SUPT16H: variants seen among roughly 807,000 people sequenced by gnomAD.
The protein encoded by SUPT16H is FACT complex subunit SPT16.
A neutral mutation model predicts 136.2 loss-of-function variants in SUPT16H; 24 were observed. The ratio of observed to expected loss-of-function variants is 0.18; its 90% CI spans 0.13 to 0.25. SUPT16H has a LOEUF of 0.25. Ranked by LOEUF, SUPT16H falls within the 10% of genes least tolerant of loss-of-function variation. The pLI is 1.00. For synonymous variants in SUPT16H, 415 were observed against 428.2 expected (o/e 0.97, Z 0.38); for missense variants, 623 against 1,270.2 (o/e 0.49, Z 7.74).
chr14:21,377,735 T>C (rs1886934834), intron 1 of SUPT16H, among the ~76,000 whole-genome samples: 1 of 152,196 alleles, frequency 6.6e-6, no homozygotes, highest in Non-Finnish European at 1.5e-5. Flanking sequence ...GCGATTCTCG[T>C]GCCTCAGCCT....
At chr14:21,372,666 T>C (rs1016276149) in intron 2 of SUPT16H, 1 of 454,988 alleles carries the variant, frequency 2.2e-6, no homozygotes, top group Non-Finnish European at 4.4e-6. Flanking sequence ...AAGAGGGCTA[T>C]GTTCTTTGGG....
chr14:21,375,280 G>A (rs907440732), intron 1 of SUPT16H, among the ~76,000 whole-genome samples: 7 of 151,860 alleles, frequency 4.6e-5, no homozygotes, highest in Admixed American at 4.6e-4. Context: ...CTCCTGAAGT[G>A]CTGGGATTAC....
chr14:21,375,327 T>C (rs1234965683), intron 1 of SUPT16H, among the ~76,000 whole-genome samples: 1 of 152,174 alleles, frequency 6.6e-6, no homozygotes, highest in Non-Finnish European at 1.5e-5. Flanking sequence ...CACTGTAGTT[T>C]TGATTTCATT....
Position 21,358,153 on chromosome 14 carries a change from C to T in SUPT16H, c.2415-151G>A, listed in dbSNP as rs146887528. 3.7e-3 allele frequency: 3,030 copies of T among 808,460 alleles called. 9 individuals carry two copies. Among genetic ancestry groups the T allele is most frequent in the Middle Eastern group, 0.011 (29 of 2,756 alleles). 50.1% of individuals were successfully genotyped at this position (808,460 alleles called of 1,614,324 possible). A position where few individuals can be genotyped will look rare whatever the true frequency, so the allele number is the denominator to read the frequency against. On this transcript the variant is annotated intron_variant, in intron 20 of 25. Coordinates refer to ENST00000216297, the MANE Select transcript of SUPT16H (RefSeq NM_007192.4). ...GGAAGCCTCTTAAGAGTTAGCCACT[C>T]ACCTAAACCCTTAAACATTTTCAAG...
At chr14:21,359,101 G>A (rs1886495730) in intron 19 of SUPT16H, among the ~76,000 whole-genome samples, 1 of 144,704 alleles carries the variant, frequency 6.9e-6, no homozygotes. Context: ...CACTGCACCT[G>A]GCTATTTATT....
At chr14:21,362,056 G>C in intron 15 of SUPT16H, 141 bp downstream of exon 15, 4 of 975,506 alleles carry the variant, frequency 4.1e-6, no homozygotes, top group Non-Finnish European at 5.9e-6. Context: ...ACAAAGTCAA[G>C]AAGGCGATCC....
chr14:21,361,043 TTG>T (rs1363883685), intron 16 of SUPT16H, 33 bp downstream of exon 16: 2 of 1,611,210 alleles, frequency 1.2e-6, no homozygotes, highest in African/African-American at 2.7e-5. Context: ...ATGTCCTTCT[TTG>T]TGTAAGAATG....
chr14:21,376,454 T>C (rs575955957), intron 1 of SUPT16H, among the ~76,000 whole-genome samples: 1 of 152,222 alleles, frequency 6.6e-6, no homozygotes, highest in African/African-American at 2.4e-5. Flanking sequence ...TAAGGATATA[T>C]GATAGCAACT....
intron 1 of SUPT16H, among the ~76,000 whole-genome samples, chr14:21,375,826 C>G (rs1304910920): frequency 6.6e-6 from 1 of 152,204 alleles, no homozygotes; most frequent in Non-Finnish European, 1.5e-5. Flanking sequence ...CTCCTGACCT[C>G]AAGTGATCCT....
intron 1 of SUPT16H, among the ~76,000 whole-genome samples, chr14:21,379,288 T>C (rs1332808405): frequency 6.6e-6 from 1 of 151,046 alleles, no homozygotes; most frequent in South Asian, 2.1e-4. Context: ...ATACAACAAT[T>C]AGCCGAGCAT....
intron 21 of SUPT16H, among the ~76,000 whole-genome samples, chr14:21,357,642 T>C (rs1161721716): frequency 6.6e-6 from 1 of 151,462 alleles, no homozygotes; most frequent in Non-Finnish European, 1.5e-5. Flanking sequence ...TCTTAAAAAA[T>C]AAAAAATAAA....
intron 6 of SUPT16H, 78 bp downstream of exon 6, chr14:21,369,126 C>G: frequency 1.3e-6 from 2 of 1,511,666 alleles, no homozygotes; most frequent in East Asian, 4.5e-5. Context: ...GTGTACCCCA[C>G]AAATTTGTAC....
At chr14:21,356,319 G>C (rs942324097) in intron 22 of SUPT16H, among the ~76,000 whole-genome samples, 7 of 152,172 alleles carry the variant, frequency 4.6e-5, no homozygotes, top group South Asian at 2.1e-4. Context: ...ATCTCACACA[G>C]AACTAGAAAT....
At chr14:21,355,076 TTA>T (rs1886397807) in intron 22 of SUPT16H, 1 of 152,750 alleles carries the variant, frequency 6.5e-6, no homozygotes, top group African/African-American at 2.4e-5. Context: ...TCTTCTTCAC[TTA>T]GTCTTCTCTC....
chr14:21,357,406 C>A, intron 21 of SUPT16H, 40 bp from the exon 22 acceptor site: 2 of 1,480,696 alleles, frequency 1.4e-6, no homozygotes, highest in Non-Finnish European at 1.8e-6. Context: ...ATAAGTATTT[C>A]CCCCAAAGCA....
At chr14:21,380,296 A>ATTTTTTTTTTTTTTTTT (rs60588939) in intron 1 of SUPT16H, among the ~76,000 whole-genome samples, 5 of 112,020 alleles carry the variant, frequency 4.5e-5, no homozygotes, top group Non-Finnish European at 9.0e-5. Context: ...GGAAGACTGA[A>ATTTTTTTTTTTTTTTTT]TTTTTTTTTT....
At chr14:21,362,619 GTGAAAAAAAC>G (rs1284103311) in intron 14 of SUPT16H, among the ~76,000 whole-genome samples, 165 bp downstream of exon 14, 1 of 152,120 alleles carries the variant, frequency 6.6e-6, no homozygotes, top group Non-Finnish European at 1.5e-5. Context: ...TTTCTACTAA[GTGAAAAAAAC>G]TGAAAGAGGA....
intron 22 of SUPT16H, 32 bp downstream of exon 22, chr14:21,357,165 C>G: frequency 6.6e-7 from 1 of 1,521,894 alleles, no homozygotes; most frequent in Non-Finnish European, 8.8e-7. Context: ...GGCTCATGGG[C>G]TAAATGGGAG....
Position 21,358,056 on chromosome 14 carries a change from C to G in SUPT16H, c.2415-54G>C, listed in dbSNP as rs1347144850. The G allele has an allele frequency of 4.0e-6, 6 of 1,494,512 alleles. No individual in the cohort carries two copies. In the Admixed American group the frequency reaches 1.0e-4, roughly 26 times the overall value. The allele number at this position is 1,494,512 out of a possible 1,614,324, so 92.6% of individuals were successfully genotyped here. A position where few individuals can be genotyped will look rare whatever the true frequency, so the allele number is the denominator to read the frequency against. On this transcript the variant is annotated intron_variant, in intron 20 of 25. Transcript: ENST00000216297. ...CTCATCACGAGAGAGACTGCTCCTA[C>G]CACAACAGACAAACTTCTTCCCTCT...
Sources: allele counts gnomAD v4.1 joint callset (sites outside exome capture counted in the v4.1 genomes callset), GRCh38; gene constraint gnomAD v4.1.1; transcripts MANE v1.5; gene names NCBI Gene and HGNC (gene_info 2026-07-23, HGNC 2026-07-21).